SEZ6L: variants seen among roughly 807,000 people sequenced by gnomAD.
SEZ6L encodes the protein seizure 6-like protein.
Under a neutral mutation model 106.2 loss-of-function variants are expected in SEZ6L, and 37 were observed. The ratio of observed to expected loss-of-function variants is 0.35; its 90% confidence interval spans 0.27 to 0.46. The LOEUF is 0.46. Among genes scored for constraint, SEZ6L ranks in the 20% least tolerant of loss-of-function variants. SEZ6L has a pLI of 1.00. For synonymous variants in SEZ6L, 541 were observed against 570.4 expected, an observed-to-expected ratio of 0.95 and a Z score of 0.73; for missense variants, 1,172 against 1,332.8, an observed-to-expected ratio of 0.88 and a Z score of 1.88.
chr22:26,232,685 C>T (rs1244378471), intron 1 of SEZ6L, among the ~76,000 whole-genome samples: 2 of 152,206 alleles, frequency 1.3e-5, no homozygotes, highest in Non-Finnish European at 2.9e-5. Context: ...CTACACCATC[C>T]AGCGTAGGTG....
chr22:26,314,252 T>C (rs552333397), intron 9 of SEZ6L, among the ~76,000 whole-genome samples: 1 of 152,324 alleles, frequency 6.6e-6, no homozygotes, highest in Admixed American at 6.5e-5. Flanking sequence ...ATTCTTTAAC[T>C]GGAATTTGAT....
At chr22:26,266,581 ATAAATAAATAAATAAATAAATAAAT>A (rs2080195097) in intron 1 of SEZ6L, among the ~76,000 whole-genome samples, 2 of 43,610 alleles carry the variant, frequency 4.6e-5, no homozygotes, top group African/African-American at 2.9e-4. Flanking sequence ...TCAAAAATAA[ATAAATAAATAAATAAATAAATAAAT>A]AAATAAATAA....
At chr22:26,208,195 G>A (rs1261583814) in intron 1 of SEZ6L, among the ~76,000 whole-genome samples, 1 of 152,054 alleles carries the variant, frequency 6.6e-6, no homozygotes, top group Admixed American at 6.5e-5. Flanking sequence ...GATTACAGGC[G>A]TGAGCCACTG....
chr22:26,182,147 T>C (rs557735223), intron 1 of SEZ6L, among the ~76,000 whole-genome samples: 1 of 152,334 alleles, frequency 6.6e-6, no homozygotes, highest in African/African-American at 2.4e-5. Context: ...ACATGTCGAA[T>C]GAATAAATGC....
Position 26,293,037 on chromosome 22 carries a change from G to A in SEZ6L, c.726G>A (p.Leu242=), listed in dbSNP as rs771773969. Reference sequence around the variant, plus strand: ...AGGAGGACACCAGCCCCATGGCCCTGATGGACAAAGGTGAGAATGAGCTGA... The same window carrying A: ...AGGAGGACACCAGCCCCATGGCCCTAATGGACAAAGGTGAGAATGAGCTGA... ...APQEDTSPMA[L]MDKGENELTG... Residue 242 remains leucine (L), a synonymous_variant, in exon 2 of 17, where the codon CTG becomes CTA. Coordinates refer to ENST00000248933, the MANE Select transcript of SEZ6L (RefSeq NM_021115.5). The A allele has an allele frequency of 4.3e-6, 7 of 1,614,014 alleles. No individual in the cohort carries two copies. The Admixed American group carries it at 1.2e-4, about 27-fold the overall frequency.
At chr22:26,253,892 A>C (rs1301688217) in intron 1 of SEZ6L, 1 of 152,230 alleles carries the variant, frequency 6.6e-6, no homozygotes, top group Non-Finnish European at 1.5e-5. Flanking sequence ...ATGAGTTTAT[A>C]ATATAATTCA....
chr22:26,202,448 G>C (rs980601141), intron 1 of SEZ6L, among the ~76,000 whole-genome samples: 1 of 152,174 alleles, frequency 6.6e-6, no homozygotes, highest in African/African-American at 2.4e-5. Context: ...CTAATAGACA[G>C]TGAAGGAGGC....
chr22:26,286,498 T>C (rs1201785278), intron 1 of SEZ6L, among the ~76,000 whole-genome samples: 1 of 152,216 alleles, frequency 6.6e-6, no homozygotes, highest in African/African-American at 2.4e-5. Flanking sequence ...AAAACATGAT[T>C]CTCTGCATTG....
intron 1 of SEZ6L, among the ~76,000 whole-genome samples, chr22:26,271,871 T>C (rs1293683757): frequency 1.3e-5 from 2 of 152,254 alleles, no homozygotes; most frequent in African/African-American, 4.8e-5. Context: ...ACAGTTGTAC[T>C]ATTCGTAATA....
chr22:26,194,294 T>C (rs989506926), intron 1 of SEZ6L, among the ~76,000 whole-genome samples: 6 of 152,222 alleles, frequency 3.9e-5, no homozygotes, highest in Admixed American at 3.3e-4. Context: ...GTTGTTCTTT[T>C]TGGCCTTTAC....
intron 1 of SEZ6L, among the ~76,000 whole-genome samples, chr22:26,250,880 G>A (rs2079554596): frequency 6.6e-6 from 1 of 152,002 alleles, no homozygotes. Context: ...CACCTCCTTA[G>A]CTAAACTTAT....
At chr22:26,344,640 T>C (rs1272929570) in intron 10 of SEZ6L, among the ~76,000 whole-genome samples, 1 of 152,230 alleles carries the variant, frequency 6.6e-6, no homozygotes, top group Non-Finnish European at 1.5e-5. Flanking sequence ...TTGGTGCTAA[T>C]CTTGTCCATG....
chr22:26,292,146 AAGG>A, intron 1 of SEZ6L: 1 of 398,124 alleles, frequency 2.5e-6, no homozygotes. Context: ...GAAAGAAAGA[AAGG>A]AAGGAAGGAA....
At chr22:26,281,942 T>C (rs1370166054) in intron 1 of SEZ6L, among the ~76,000 whole-genome samples, 1 of 152,218 alleles carries the variant, frequency 6.6e-6, no homozygotes, top group African/African-American at 2.4e-5. Flanking sequence ...ATCATTCTCT[T>C]CTCTCAGCTG....
chr22:26,373,430 G>C, intron 13 of SEZ6L, 21 bp from the exon 14 acceptor site: 1 of 1,599,578 alleles, frequency 6.3e-7, no homozygotes, highest in Non-Finnish European at 8.5e-7. Flanking sequence ...ATTGACCAAT[G>C]CTTCCTGATT....
intron 9 of SEZ6L, among the ~76,000 whole-genome samples, chr22:26,340,165 G>A (rs2082781485): frequency 6.6e-6 from 1 of 152,152 alleles, no homozygotes; most frequent in Non-Finnish European, 1.5e-5. Flanking sequence ...GAACCTGGAA[G>A]GCAGAGATTG....
intron 9 of SEZ6L, among the ~76,000 whole-genome samples, chr22:26,323,678 G>C (rs1448336647): frequency 6.6e-6 from 1 of 151,916 alleles, no homozygotes; most frequent in Non-Finnish European, 1.5e-5. Context: ...ATAACATAAG[G>C]TTTCTGACAC....
At chr22:26,254,863 G>A (rs1050939271) in intron 1 of SEZ6L, among the ~76,000 whole-genome samples, 1 of 152,076 alleles carries the variant, frequency 6.6e-6, no homozygotes, top group African/African-American at 2.4e-5. Context: ...CGTGGATAGA[G>A]GGATATCCTA....
At chr22:26,276,005 C>CA (rs1338393969) in intron 1 of SEZ6L, among the ~76,000 whole-genome samples, 3 of 152,188 alleles carry the variant, frequency 2.0e-5, no homozygotes, top group Admixed American at 1.3e-4. Flanking sequence ...AGTGTGTGGT[C>CA]AACCAGCCCG....
Sources: allele counts gnomAD v4.1 joint callset (sites outside exome capture counted in the v4.1 genomes callset), GRCh38; gene constraint gnomAD v4.1.1; transcripts MANE v1.5; gene names NCBI Gene and HGNC (gene_info 2026-07-23, HGNC 2026-07-21).